The following PIEZO2 variants were observed in gnomAD, a reference collection of about 807,000 sequenced individuals.
The protein encoded by PIEZO2 is piezo-type mechanosensitive ion channel component 2.
PIEZO2 carries 172 observed loss-of-function variants against 337.3 expected under a neutral mutation model. The observed-to-expected ratio is 0.51, with a 90% confidence interval of 0.45 to 0.58. PIEZO2 has a LOEUF of 0.58. PIEZO2 is among the 20% of genes least tolerant of loss of function. PIEZO2 has a pLI of 0.00. For missense variants in PIEZO2, 3,028 were observed against 3,391.3 expected (o/e 0.89, Z 2.66); for synonymous variants, 1,251 against 1,228.5 (o/e 1.02, Z -0.38).
chr18:10,842,489 C>T (rs902114669), intron 7 of PIEZO2, among the ~76,000 whole-genome samples: 1 of 152,154 alleles, frequency 6.6e-6, no homozygotes, highest in Non-Finnish European at 1.5e-5. Flanking sequence ...TAGCCTGGCA[C>T]TTTCTCTGTT....
chr18:11,125,545 A>C lies in PIEZO2; in HGVS notation c.64+22980T>G, dbSNP rs116768768. On this transcript the variant is annotated intron_variant, in intron 1 of 55. Coordinates refer to ENST00000674853, the MANE Select transcript of PIEZO2 (RefSeq NM_001378183.1). The surrounding 1 kb of genome is among the most constrained non-coding windows in gnomAD (Gnocchi z 4.4). Reference sequence around the variant, plus strand: ...CGTTGTTGGATTGTTTCCTCAATACATCTGCGGAAACCAAGACACACTCCA... The same window carrying C: ...CGTTGTTGGATTGTTTCCTCAATACCTCTGCGGAAACCAAGACACACTCCA... Among the ~76,000 whole-genome samples the C allele has an allele frequency of 4.4e-3, 667 of 152,314 alleles. 2 individuals carry two copies. The highest frequency in any genetic ancestry group is 0.015 in the African/African-American group (629 of 41,554).
At chr18:10,826,839 T>C (rs2040691612) in intron 7 of PIEZO2, among the ~76,000 whole-genome samples, 1 of 152,224 alleles carries the variant, frequency 6.6e-6, no homozygotes, top group Admixed American at 6.5e-5. Context: ...TAAAATATTT[T>C]CTGTGCTTCA....
rs1215572243 is a variant in PIEZO2, at chr18:11,069,930, A to C, written c.65-3708T>G. On this transcript the variant is annotated intron_variant, in intron 1 of 55. Coordinates refer to ENST00000674853, the MANE Select transcript of PIEZO2 (RefSeq NM_001378183.1). The surrounding 1 kb of genome is among the most constrained non-coding windows in gnomAD (Gnocchi z 4.9). ...AAAATCCCATTCACAATAGCTACAA[A>C]TAATACTTAGAAATAAATCTAACCA... Among the ~76,000 whole-genome samples, 2 of 152,254 alleles carry C rather than the reference A, an allele frequency of 1.3e-5. No homozygotes were observed. The highest frequency in any genetic ancestry group is 3.8e-4 in the East Asian group (2 of 5,208).
At chr18:10,730,136 A>G (rs2036706635) in intron 36 of PIEZO2, among the ~76,000 whole-genome samples, 1 of 152,230 alleles carries the variant, frequency 6.6e-6, no homozygotes, top group South Asian at 2.1e-4. Flanking sequence ...ACTGATCTGT[A>G]CTATGATATG....
chr18:11,113,196 A>T (rs2039786795), intron 1 of PIEZO2, among the ~76,000 whole-genome samples: 1 of 152,226 alleles, frequency 6.6e-6, no homozygotes, highest in African/African-American at 2.4e-5. Flanking sequence ...GTCTTCCAGG[A>T]AACTGCTGAC....
intron 5 of PIEZO2, 96 bp from the exon 6 acceptor site, chr18:10,857,307 G>A: frequency 1.9e-6 from 2 of 1,072,888 alleles, no homozygotes; most frequent in Non-Finnish European, 2.7e-6. Flanking sequence ...AGTCAACGTG[G>A]TGAATTTCAC....
rs569600085 is a variant in PIEZO2, at chr18:10,727,064, A to C, written c.5029+4343T>G. 2.4e-5 allele frequency: 13 copies of C among 551,566 alleles called. No individual in the cohort carries two copies. The highest frequency in any genetic ancestry group is 3.7e-5 in the Non-Finnish European group (12 of 324,972). The allele number at this position is 551,566 out of a possible 1,614,324, so 34.2% of individuals were successfully genotyped here. On this transcript the variant is annotated intron_variant, in intron 36 of 55. Coordinates refer to ENST00000674853, the MANE Select transcript of PIEZO2 (RefSeq NM_001378183.1). The surrounding 1 kb of genome is among the most constrained non-coding windows in gnomAD (Gnocchi z 6.3). ...TCTTGGGGGGTGTTGGGAGGGCAGGAGCATTCCTTGAGAAGGAGTGGCAAC... is the reference window on the plus strand; with the variant it reads ...TCTTGGGGGGTGTTGGGAGGGCAGGCGCATTCCTTGAGAAGGAGTGGCAAC...
rs538643128 is a variant in PIEZO2 at position 10,708,034 on chromosome 18, A to C, written c.5588+241T>G. ...AACATGGAGGAGAATGTTTGTGATA[A>C]GGATTTTTAAAGAAACTCCTAACAG... On this transcript the variant is annotated intron_variant, in intron 40 of 55. Transcript: ENST00000674853. Among the ~76,000 whole-genome samples, 5 of 152,378 alleles carry C rather than the reference A, an allele frequency of 3.3e-5. No individual in the cohort carries two copies. In the East Asian group the frequency reaches 9.6e-4, roughly 29 times the overall value.
rs1268364854 is a variant in PIEZO2 at position 11,128,929 on chromosome 18, A to T, written c.64+19596T>A. 1.3e-5 allele frequency among the ~76,000 whole-genome samples: 2 copies of T among 152,184 alleles called. No homozygotes were observed. Among genetic ancestry groups the T allele is most frequent in the African/African-American group, 4.8e-5 (2 of 41,440 alleles). The stretch of plus-strand genomic sequence containing the variant: ...GAGTTGGATCAGCCTGAATTTATTG[A>T]TTTGGGTCCACTAAGTAAGGACTCA... On this transcript the variant is annotated intron_variant, in intron 1 of 55. Transcript: ENST00000674853. The surrounding 1 kb of genome is among the most constrained non-coding windows in gnomAD (Gnocchi z 4.1).
rs1011835298 is a variant in PIEZO2, at chr18:11,111,224, C to A, written c.64+37301G>T. Among the ~76,000 whole-genome samples the A allele has an allele frequency of 6.6e-6, 1 of 152,128 alleles. No homozygotes were observed. The highest frequency in any genetic ancestry group is 1.9e-4 in the East Asian group (1 of 5,172). On this transcript the variant is annotated intron_variant, in intron 1 of 55. Coordinates refer to ENST00000674853, the MANE Select transcript of PIEZO2 (RefSeq NM_001378183.1). This position sits in a 1 kb window ranked among gnomAD's most constrained non-coding sequence, Gnocchi z 6.2. ...CCCAGGACTCTGGCCGCACCTGGGTCCCCCAGATGGAGATCTCTGGGGTCT... is the reference window on the plus strand; with the variant it reads ...CCCAGGACTCTGGCCGCACCTGGGTACCCCAGATGGAGATCTCTGGGGTCT...
chr18:10,960,660 T>C (rs546040856), intron 3 of PIEZO2, among the ~76,000 whole-genome samples: 5 of 152,074 alleles, frequency 3.3e-5, no homozygotes, highest in Non-Finnish European at 5.9e-5. Flanking sequence ...TTACTCAGAC[T>C]AAAAAAAGTC....
In PIEZO2 at chr18:11,109,006, C is replaced by A; in HGVS notation, c.64+39519G>T. Among the ~76,000 whole-genome samples the A allele has an allele frequency of 6.6e-6, 1 of 152,334 alleles. No homozygotes were observed. The highest frequency in any genetic ancestry group is 1.9e-4 in the East Asian group (1 of 5,184). On this transcript the variant is annotated intron_variant, in intron 1 of 55. Transcript: ENST00000674853. This position sits in a 1 kb window ranked among gnomAD's most constrained non-coding sequence, Gnocchi z 5.1. ...CAGAACTTGCCCCCTGTCAGTACCA[C>A]CAGCACCAAGGTGGGGGCGAACCCA... is the stretch of plus-strand genomic sequence containing the variant.
At chr18:10,963,711 T>A (rs2033885427) in intron 3 of PIEZO2, among the ~76,000 whole-genome samples, 1 of 152,140 alleles carries the variant, frequency 6.6e-6, no homozygotes, top group Non-Finnish European at 1.5e-5. Context: ...TATTTGTCAG[T>A]GTTATGGTTT....
Position 10,748,390 on chromosome 18 carries a change from A to C in PIEZO2, c.4424+81T>G. The C allele has an allele frequency of 5.1e-6, 7 of 1,385,258 alleles. No homozygotes were observed. Among genetic ancestry groups the C allele is most frequent in the Non-Finnish European group, 6.8e-6 (7 of 1,023,390 alleles). 85.8% of individuals were successfully genotyped at this position (1,385,258 alleles called of 1,614,324 possible). A position where few individuals can be genotyped will look rare whatever the true frequency, so the allele number is the denominator to read the frequency against. ...TAACTTCTTGTGGGTTCTAGAAGCA[A>C]GCTCAGACAGAAATGATAGTGCAAT... On this transcript the variant is annotated intron_variant, in intron 30 of 55. Coordinates refer to ENST00000674853, the MANE Select transcript of PIEZO2 (RefSeq NM_001378183.1). This position sits in a 1 kb window ranked among gnomAD's most constrained non-coding sequence, Gnocchi z 5.1.
At chr18:10,968,484 G>A (rs2034106529) in intron 3 of PIEZO2, among the ~76,000 whole-genome samples, 1 of 152,128 alleles carries the variant, frequency 6.6e-6, no homozygotes, top group South Asian at 2.1e-4. Context: ...GCTGTGTGAA[G>A]AATGATGGTG....
chr18:11,050,915 A>G lies in PIEZO2; in HGVS notation c.160+15212T>C, dbSNP rs116104931. Among the ~76,000 whole-genome samples, 578 of 152,144 alleles carry G rather than the reference A, an allele frequency of 3.8e-3. 2 individuals carry two copies. Among genetic ancestry groups the G allele is most frequent in the African/African-American group, 0.013 (552 of 41,526 alleles). On this transcript the variant is annotated intron_variant, in intron 2 of 55. Coordinates refer to ENST00000674853, the MANE Select transcript of PIEZO2 (RefSeq NM_001378183.1). ...CCAGGTTTAAAAAAAAAAAAACTCAAATGATATTTCAGAAACCTACCCCTT... is the reference window on the plus strand; with the variant it reads ...CCAGGTTTAAAAAAAAAAAAACTCAGATGATATTTCAGAAACCTACCCCTT...
chr18:11,027,966 A>G lies in PIEZO2; in HGVS notation c.160+38161T>C, dbSNP rs1341190718. Among the ~76,000 whole-genome samples the G allele has an allele frequency of 6.6e-6, 1 of 152,248 alleles. No individual in the cohort carries two copies. The highest frequency in any genetic ancestry group is 1.5e-5 in the Non-Finnish European group (1 of 68,038). ...ATAAATTCTTCAAACACTGTTTCTGAGAATGATCTCACAGAACAGGAAGAC... is the reference window on the plus strand; with the variant it reads ...ATAAATTCTTCAAACACTGTTTCTGGGAATGATCTCACAGAACAGGAAGAC... On this transcript the variant is annotated intron_variant, in intron 2 of 55. Transcript: ENST00000674853. The surrounding 1 kb of genome is among the most constrained non-coding windows in gnomAD (Gnocchi z 4.2).
At chr18:11,085,915 C>T (rs991886982) in intron 1 of PIEZO2, among the ~76,000 whole-genome samples, 4 of 151,144 alleles carry the variant, frequency 2.6e-5, no homozygotes, top group East Asian at 1.9e-4. Flanking sequence ...ATAATGGAAA[C>T]CCTAATGGTA....
chr18:10,990,437 C>A (rs2035045257), intron 2 of PIEZO2, among the ~76,000 whole-genome samples: 1 of 152,056 alleles, frequency 6.6e-6, no homozygotes, highest in Non-Finnish European at 1.5e-5. Context: ...TCAACTCTCT[C>A]CACTCAAAGC....
Sources: allele counts gnomAD v4.1 joint callset (sites outside exome capture counted in the v4.1 genomes callset), GRCh38; gene constraint gnomAD v4.1.1; non-coding constraint Gnocchi (gnomAD v3.1); transcripts MANE v1.5; gene names NCBI Gene and HGNC (gene_info 2026-07-23, HGNC 2026-07-21).